The following COMMD10 variants were observed in gnomAD, a reference collection of about 807,000 sequenced individuals.
The protein encoded by COMMD10 is COMM domain containing 10.
In COMMD10, 33 loss-of-function variants were observed where a neutral mutation model predicts 28.9. The observed-to-expected ratio is 1.14, with a 90% CI of 0.87 to 1.53. The LOEUF (loss-of-function observed/expected upper bound fraction) is 1.53. Among genes scored for constraint, COMMD10 ranks in the 40% most tolerant of loss-of-function variants. The probability of loss-of-function intolerance (pLI) is 0.00; values close to 1 mark genes in which losing one functional copy is unlikely to be tolerated. For missense variants in COMMD10, 310 were observed against 233.4 expected (o/e 1.33, Z -2.14); for synonymous variants, 110 against 81.7 (o/e 1.35, Z -1.87).
At chr5:116,162,300 G>C (rs1255875202) in intron 5 of COMMD10, among the ~76,000 whole-genome samples, 1 of 151,656 alleles carries the variant, frequency 6.6e-6, no homozygotes, top group African/African-American at 2.4e-5. Flanking sequence ...TAATAAGACT[G>C]CAGTACAAGA....
intron 5 of COMMD10, among the ~76,000 whole-genome samples, chr5:116,250,565 C>T (rs960660119): frequency 4.0e-5 from 6 of 151,720 alleles, no homozygotes; most frequent in African/African-American, 1.5e-4. Flanking sequence ...CTCATAGAGG[C>T]ATATACATAA....
intron 5 of COMMD10, among the ~76,000 whole-genome samples, chr5:116,168,839 G>T (rs765802597): frequency 1.3e-5 from 2 of 152,248 alleles, no homozygotes; most frequent in Middle Eastern, 3.4e-3. Context: ...AGTGTGTAGA[G>T]GGAAATTTAT....
At chr5:116,284,340 G>A (rs1751161551) in intron 5 of COMMD10, among the ~76,000 whole-genome samples, 1 of 147,956 alleles carries the variant, frequency 6.8e-6, no homozygotes, top group South Asian at 2.1e-4. Context: ...GTGTGTGTAT[G>A]TATGTGTGTG....
At chr5:116,240,291 G>A (rs58244621) in intron 5 of COMMD10, among the ~76,000 whole-genome samples, 12,122 of 151,832 alleles carry the variant, frequency 0.08, 986 homozygotes, top group African/African-American at 0.21. Context: ...GATGAGGAGG[G>A]CAAAAGAAAC....
intron 4 of COMMD10, among the ~76,000 whole-genome samples, chr5:116,117,610 C>A (rs539750669): frequency 6.6e-6 from 1 of 151,974 alleles, no homozygotes; most frequent in African/African-American, 2.4e-5. Flanking sequence ...ATTACAGGCA[C>A]GCACCACCAC....
intron 5 of COMMD10, among the ~76,000 whole-genome samples, chr5:116,235,238 T>C (rs1387856683): frequency 6.6e-6 from 1 of 152,204 alleles, no homozygotes; most frequent in Non-Finnish European, 1.5e-5. Flanking sequence ...AACAGATTGA[T>C]AATGAATACT....
intron 5 of COMMD10, among the ~76,000 whole-genome samples, chr5:116,174,321 A>T (rs1753433206): frequency 1.3e-5 from 2 of 152,230 alleles, no homozygotes; most frequent in African/African-American, 4.8e-5. Context: ...AGAGGTTCAG[A>T]TGATAAGGTG....
chr5:116,256,708 T>C (rs1750295830), intron 5 of COMMD10, among the ~76,000 whole-genome samples: 1 of 151,886 alleles, frequency 6.6e-6, no homozygotes, highest in South Asian at 2.1e-4. Context: ...TTAACGTGAA[T>C]TCATTTATTT....
At chr5:116,157,797 CA>C (rs1464958257) in intron 5 of COMMD10, among the ~76,000 whole-genome samples, 1 of 152,130 alleles carries the variant, frequency 6.6e-6, no homozygotes, top group African/African-American at 2.4e-5. Flanking sequence ...CTCCCACCAG[CA>C]GTGTATATAA....
intron 5 of COMMD10, chr5:116,188,335 A>G (rs12522977): frequency 0.32 from 48,945 of 151,976 alleles, 11,177 homozygotes; most frequent in African/African-American, 0.65. Flanking sequence ...TTTTTTTGCT[A>G]GAATTAGAGC....
intron 5 of COMMD10, among the ~76,000 whole-genome samples, chr5:116,282,582 C>T (rs904180328): frequency 1.3e-5 from 2 of 151,818 alleles, no homozygotes; most frequent in Non-Finnish European, 2.9e-5. Flanking sequence ...CAAAGTAACA[C>T]AAACGAGGTA....
chr5:116,096,428 C>G (rs1408598203), intron 4 of COMMD10, among the ~76,000 whole-genome samples: 1 of 151,328 alleles, frequency 6.6e-6, no homozygotes, highest in Non-Finnish European at 1.5e-5. Flanking sequence ...GTAGACTTTT[C>G]TATACTGATC....
chr5:116,151,028 G>C (rs1045306625), intron 5 of COMMD10, among the ~76,000 whole-genome samples: 2 of 150,358 alleles, frequency 1.3e-5, no homozygotes, highest in Admixed American at 1.3e-4. Context: ...TTTGAAATAC[G>C]TCCCATCAAT....
In COMMD10 at chr5:116,230,455, C is replaced by T. The variant is rs181053882; in HGVS notation, c.511-61062C>T. On this transcript the variant is annotated intron_variant, in intron 5 of 6. Coordinates refer to ENST00000274458, the MANE Select transcript of COMMD10 (RefSeq NM_016144.4). Reference sequence around the variant, plus strand: ...TAGACTGGCTTCTTTGCATTATAACCAGGACTTCACATAGATGCTGGTACC... The same window carrying T: ...TAGACTGGCTTCTTTGCATTATAACTAGGACTTCACATAGATGCTGGTACC... Among the ~76,000 whole-genome samples, 729 of 151,982 alleles carry T rather than the reference C, an allele frequency of 4.8e-3. 6 individuals are homozygous for T. Among genetic ancestry groups the T allele is most frequent in the African/African-American group, 0.015 (618 of 41,486 alleles).
intron 5 of COMMD10, among the ~76,000 whole-genome samples, chr5:116,168,744 G>A (rs1209962395): frequency 6.6e-6 from 1 of 152,114 alleles, no homozygotes; most frequent in East Asian, 1.9e-4. Context: ...GGTAAATAAC[G>A]AAATGAAGGC....
At chr5:116,091,921 A>C (rs552373835) in intron 3 of COMMD10, among the ~76,000 whole-genome samples, 1 of 152,350 alleles carries the variant, frequency 6.6e-6, no homozygotes, top group Non-Finnish European at 1.5e-5. Context: ...TAGGAGGACA[A>C]GCTACCAGTT....
At chr5:116,241,186 C>T (rs1749798392) in intron 5 of COMMD10, among the ~76,000 whole-genome samples, 1 of 152,114 alleles carries the variant, frequency 6.6e-6, no homozygotes, top group African/African-American at 2.4e-5. Flanking sequence ...TGAGTATCAT[C>T]TTTAGTAAAA....
intron 5 of COMMD10, among the ~76,000 whole-genome samples, chr5:116,280,057 G>T (rs1431333017): frequency 6.6e-6 from 1 of 151,800 alleles, no homozygotes; most frequent in African/African-American, 2.4e-5. Context: ...ACAATGACAT[G>T]TTTCACTTTT....
chr5:116,233,439 C>G (rs1317562121), intron 5 of COMMD10, among the ~76,000 whole-genome samples: 1 of 152,084 alleles, frequency 6.6e-6, no homozygotes, highest in African/African-American at 2.4e-5. Context: ...TAAGGGGGAA[C>G]TATACATAAC....
Sources: gnomAD v4.1 joint callset for allele counts (sites outside exome capture counted in the v4.1 genomes callset) on GRCh38, gnomAD v4.1.1 for gene constraint, MANE v1.5 for transcripts, NCBI Gene and HGNC (gene_info 2026-07-23, HGNC 2026-07-21) for gene names.